AP3B2: variants seen among roughly 807,000 people sequenced by gnomAD.
AP3B2 encodes the protein adaptor related protein complex 3 subunit beta 2.
AP3B2 carries 50 observed loss-of-function variants against 126.9 expected under a neutral mutation model. The observed-to-expected ratio is 0.39, with a 90% confidence interval of 0.31 to 0.50. AP3B2 has a LOEUF of 0.50. Ranked by LOEUF, AP3B2 falls within the 20% of genes least tolerant of loss-of-function variation. AP3B2 has a pLI of 0.79. For missense variants in AP3B2, 1,177 were observed against 1,426.4 expected (o/e 0.83, Z 2.82); for synonymous variants, 541 against 565.0 (o/e 0.96, Z 0.60).
chr15:82,692,248 T>G (rs2048548487), intron 1 of AP3B2: 2 of 962,298 alleles, frequency 2.1e-6, no homozygotes, highest in East Asian at 5.2e-5. Flanking sequence ...TGCCCATTCT[T>G]AAGCTTGATC....
chr15:82,663,789 C>G lies in AP3B2; in HGVS notation c.2436+12G>C, dbSNP rs1596167281. ...CCATGAGCACACCCTGACTCTGCCC[C>G]AAGGCTCTCACTGTTTTCCTGCTCC... On this transcript the variant is annotated intron_variant, in intron 20 of 26. Transcript: ENST00000535359. 2 of 1,609,796 alleles carry G rather than the reference C, an allele frequency of 1.2e-6. No individual in the cohort carries two copies. Among genetic ancestry groups the G allele is most frequent in the Non-Finnish European group, 8.5e-7 (1 of 1,177,490 alleles).
intron 1 of AP3B2, among the ~76,000 whole-genome samples, chr15:82,699,440 T>C (rs1169387329): frequency 6.6e-6 from 1 of 152,024 alleles, no homozygotes; most frequent in Non-Finnish European, 1.5e-5. Flanking sequence ...AAGCCCCTCA[T>C]CTCTCCTCAC....
rs1162394885 is a variant in AP3B2, at chr15:82,682,820, C to T, written c.361-1240G>A. ...AAACAATGTAGGCTGGGCGTGATGGCTTGTGCCTGTAATCCCAACACTTTG... is the reference window on the plus strand; with the variant it reads ...AAACAATGTAGGCTGGGCGTGATGGTTTGTGCCTGTAATCCCAACACTTTG... On this transcript the variant is annotated intron_variant, in intron 4 of 26. Coordinates refer to ENST00000535359, the MANE Select transcript of AP3B2 (RefSeq NM_001278512.2). Among the ~76,000 whole-genome samples the T allele has an allele frequency of 2.0e-5, 3 of 151,722 alleles. No homozygotes were observed. The East Asian group carries it at 5.8e-4, about 29-fold the overall frequency.
intron 13 of AP3B2, 74 bp from the exon 14 acceptor site, chr15:82,676,711 A>T: frequency 2.7e-6 from 4 of 1,470,120 alleles, no homozygotes; most frequent in Non-Finnish European, 3.7e-6. Flanking sequence ...ACTTCCAGGG[A>T]AACAGCACTC....
In AP3B2 at chr15:82,681,958, TC is replaced by T. The variant is rs926874182; in HGVS notation, c.361-379del. Among the ~76,000 whole-genome samples, 65 of 152,026 alleles carry T rather than the reference TC, an allele frequency of 4.3e-4. No individual in the cohort carries two copies. Among genetic ancestry groups the T allele is most frequent in the African/African-American group, 1.6e-3 (65 of 41,456 alleles). ...TGCAAGCTGGTCTCCCTTCCGGAGT[TC>T]AACCTTACACTCCTTTCTCCCAGAA... is the stretch of plus-strand genomic sequence containing the variant. On this transcript the variant is annotated intron_variant, in intron 4 of 26. Transcript: ENST00000535359. This position sits in a 1 kb window ranked among gnomAD's most constrained non-coding sequence, Gnocchi z 4.0.
intron 23 of AP3B2, 64 bp downstream of exon 23, chr15:82,662,630 A>G: frequency 6.8e-7 from 1 of 1,471,642 alleles, no homozygotes; most frequent in Non-Finnish European, 9.2e-7. Flanking sequence ...GGGTATCAGC[A>G]ACCACAGAAA....
At chr15:82,691,923 C>T in intron 1 of AP3B2, 1 of 1,332,618 alleles carries the variant, frequency 7.5e-7, no homozygotes, top group Non-Finnish European at 1.1e-6. Flanking sequence ...TCCATGTCTT[C>T]TTTTCTGAGA....
rs575535101 is a variant in AP3B2, at chr15:82,667,038, C to G, written c.1666-105G>C. The G allele has an allele frequency of 1.7e-5, 21 of 1,215,872 alleles. No homozygotes were observed. The African/African-American group carries it at 3.0e-4, about 17-fold the overall frequency. The allele number at this position is 1,215,872 out of a possible 1,614,324, so 75.3% of individuals were successfully genotyped here. A position where few individuals can be genotyped will look rare whatever the true frequency, so the allele number is the denominator to read the frequency against. On this transcript the variant is annotated intron_variant, in intron 14 of 26. Coordinates refer to ENST00000535359, the MANE Select transcript of AP3B2 (RefSeq NM_001278512.2). ...CACTTTCAGGCAGAACGTCTCCTCT[C>G]CCTGCTTAGGACCGGCGCTTCCACC... is the stretch of plus-strand genomic sequence containing the variant.
intron 1 of AP3B2, among the ~76,000 whole-genome samples, chr15:82,708,399 G>A (rs1198931185): frequency 2.6e-5 from 4 of 152,060 alleles, no homozygotes; most frequent in Non-Finnish European, 5.9e-5. Flanking sequence ...GGACGTGCGT[G>A]AAAATCCTCA....
At position 82,683,047 on chromosome 15, in the gene AP3B2, G is replaced by GTTTTTTTTTTTTTTTT. The variant is rs61213011; in HGVS notation, c.361-1483_361-1468dup. 3.6e-4 allele frequency among the ~76,000 whole-genome samples: 28 copies of GTTTTTTTTTTTTTTTT among 77,728 alleles called. 5 individuals are homozygous for GTTTTTTTTTTTTTTTT. Among genetic ancestry groups the GTTTTTTTTTTTTTTTT allele is most frequent in the Non-Finnish European group, 4.0e-4 (16 of 39,602 alleles). 51.0% of individuals were successfully genotyped at this position (77,728 alleles called of 152,430 possible). A position where few individuals can be genotyped will look rare whatever the true frequency, so the allele number is the denominator to read the frequency against. Reference sequence around the variant, plus strand: ...AATGTTCACAGCATCTGCACCAGGAGTTTTTTTTTTTTTTTTTTTTTTTTT... The same window carrying GTTTTTTTTTTTTTTTT: ...AATGTTCACAGCATCTGCACCAGGAGTTTTTTTTTTTTTTTTTTTTTTTTTTTTTTTTTTTTTTTTT... On this transcript the variant is annotated intron_variant, in intron 4 of 26. Coordinates refer to ENST00000535359, the MANE Select transcript of AP3B2 (RefSeq NM_001278512.2).
At chr15:82,688,853 A>G in intron 3 of AP3B2, 22 bp from the exon 4 acceptor site, 1 of 1,594,226 alleles carries the variant, frequency 6.3e-7, no homozygotes, top group Non-Finnish European at 8.6e-7. Context: ...CACGTTTCTC[A>G]GCAGAACGCT....
intron 4 of AP3B2, among the ~76,000 whole-genome samples, chr15:82,682,588 T>C (rs1445922322): frequency 6.6e-6 from 1 of 152,098 alleles, no homozygotes. Flanking sequence ...ATACAAGTTA[T>C]GCTTATAGTT....
At chr15:82,691,910 T>C (rs1596191892) in intron 1 of AP3B2, 4 of 1,283,286 alleles carry the variant, frequency 3.1e-6, no homozygotes, top group East Asian at 2.3e-5. Flanking sequence ...ATGCAGGGCA[T>C]ATTCCATGTC....
At position 82,691,760 on chromosome 15, in the gene AP3B2, C is replaced by T. The variant is rs560724431; in HGVS notation, c.114-2307G>A. On this transcript the variant is annotated intron_variant, in intron 1 of 26. Coordinates refer to ENST00000535359, the MANE Select transcript of AP3B2 (RefSeq NM_001278512.2). ...GAAAGGAGAGAAGTGGTGTGGGGAA[C>T]CCCGGCTTTAGTATGGAGAGTCACG... The T allele has an allele frequency of 1.2e-4, 183 of 1,576,944 alleles. 1 individual carries two copies. In the African/African-American group the frequency reaches 2.3e-3, roughly 20 times the overall value.
intron 1 of AP3B2, chr15:82,691,942 C>G (rs1269955463): frequency 2.9e-6 from 4 of 1,371,898 alleles, no homozygotes; most frequent in Admixed American, 3.5e-5. Flanking sequence ...GATACTCAAC[C>G]ATCCCCACAC....
chr15:82,693,475 G>T (rs2048581025), intron 1 of AP3B2, among the ~76,000 whole-genome samples: 1 of 151,700 alleles, frequency 6.6e-6, no homozygotes, highest in Admixed American at 6.6e-5. Flanking sequence ...TCAAACTCCT[G>T]ACCTCAAGTG....
At position 82,663,542 on chromosome 15, in the gene AP3B2, T is replaced by C; in HGVS notation, c.2497+18A>G. 3.1e-6 allele frequency: 5 copies of C among 1,613,142 alleles called. No homozygotes were observed. The highest frequency in any genetic ancestry group is 4.2e-6 in the Non-Finnish European group (5 of 1,179,366). ...CCCAGGCCTCCTTTCCCCTGTGACT[T>C]TTACCACCCAAACTCACAATCCTCT... is the stretch of plus-strand genomic sequence containing the variant. On this transcript the variant is annotated intron_variant, in intron 21 of 26. Transcript: ENST00000535359.
intron 1 of AP3B2, chr15:82,699,563 T>G: frequency 5.0e-6 from 2 of 398,872 alleles, no homozygotes; most frequent in Admixed American, 4.4e-5. Context: ...AGGTCTGGGC[T>G]GAGAGTGCAA....
intron 1 of AP3B2, among the ~76,000 whole-genome samples, chr15:82,696,493 G>A (rs924223872): frequency 1.3e-5 from 2 of 152,120 alleles, no homozygotes; most frequent in South Asian, 2.1e-4. Context: ...AACGAGAATC[G>A]CTTGAACCCA....
Sources: gnomAD v4.1 joint callset for allele counts (sites outside exome capture counted in the v4.1 genomes callset) on GRCh38, gnomAD v4.1.1 for gene constraint, Gnocchi (gnomAD v3.1) non-coding constraint, MANE v1.5 for transcripts, NCBI Gene and HGNC (gene_info 2026-07-23, HGNC 2026-07-21) for gene names.